Variants in TBC1D2B observed in about 807,000 individuals in gnomAD.
TBC1D2B encodes TBC1 domain family, member 2B.
Under a neutral mutation model 100.8 loss-of-function variants are expected in TBC1D2B, and 64 were observed. That is an observed-to-expected ratio of 0.64 (90% CI 0.52 to 0.78). TBC1D2B has a LOEUF of 0.78. Ranked by LOEUF, TBC1D2B falls within the 30% of genes least tolerant of loss-of-function variation. The pLI is 0.00. For synonymous variants in TBC1D2B, 480 were observed against 479.7 expected, an observed-to-expected ratio of 1.00 and a Z score of -0.01; for missense variants, 1,052 against 1,218.4, an observed-to-expected ratio of 0.86 and a Z score of 2.03.
intron 3 of TBC1D2B, among the ~76,000 whole-genome samples, chr15:78,040,847 A>AAAGAAAGG (rs1425885150): frequency 1.5e-5 from 2 of 135,236 alleles, no homozygotes; most frequent in African/African-American, 2.9e-5. Context: ...AAAAAGAAAG[A>AAAGAAAGG]AAGAAAGGAA....
At chr15:78,052,483 A>AC (rs1395164043) in intron 2 of TBC1D2B, among the ~76,000 whole-genome samples, 1 of 152,096 alleles carries the variant, frequency 6.6e-6, no homozygotes, top group African/African-American at 2.4e-5. Context: ...TAAATTCCAT[A>AC]CCTGGAGTCC....
intron 1 of TBC1D2B, among the ~76,000 whole-genome samples, chr15:78,056,799 C>T (rs376120281): frequency 2.0e-5 from 3 of 150,812 alleles, no homozygotes; most frequent in East Asian, 3.9e-4. Context: ...CCCAGTCTGC[C>T]AAACCCCCAA....
chr15:78,028,322 A>C (rs1276851651), intron 4 of TBC1D2B, among the ~76,000 whole-genome samples: 1 of 152,132 alleles, frequency 6.6e-6, no homozygotes, highest in African/African-American at 2.4e-5. Context: ...TAAAAATAAA[A>C]AAATTAGCCA....
chr15:78,039,456 T>G (rs932837833), intron 3 of TBC1D2B, among the ~76,000 whole-genome samples: 2 of 152,172 alleles, frequency 1.3e-5, no homozygotes, highest in South Asian at 2.1e-4. Context: ...CGGGGCCAAC[T>G]GCAGGGCCCG....
chr15:78,045,806 G>A (rs900861485), intron 2 of TBC1D2B, among the ~76,000 whole-genome samples: 4 of 152,024 alleles, frequency 2.6e-5, no homozygotes, highest in Non-Finnish European at 5.9e-5. Context: ...AATGAAACGA[G>A]GGGTAATTAC....
intron 1 of TBC1D2B, among the ~76,000 whole-genome samples, chr15:78,070,186 C>T (rs189003043): frequency 1.8e-3 from 271 of 152,260 alleles, no homozygotes; most frequent in Non-Finnish European, 3.0e-3. Flanking sequence ...AACCAGCACC[C>T]CCACCTAAGG....
chr15:78,053,878 T>C lies in TBC1D2B; in HGVS notation c.514+156A>G, dbSNP rs1395519585. On this transcript the variant is annotated intron_variant, in intron 2 of 12. Transcript: ENST00000300584. ...ACTGGGCTTGCATAAGCTTTGTACA[T>C]GGAGGCGCTGGGTAACTGTGGAATG... The C allele has an allele frequency of 8.2e-6, 7 of 854,258 alleles. No individual in the cohort carries two copies. In the Admixed American group the frequency reaches 1.9e-4, roughly 23 times the overall value. The allele number at this position is 854,258 out of a possible 1,614,324, so 52.9% of individuals were successfully genotyped here.
intron 1 of TBC1D2B, among the ~76,000 whole-genome samples, chr15:78,069,606 T>C (rs2073714234): frequency 6.6e-6 from 1 of 152,128 alleles, no homozygotes; most frequent in Admixed American, 6.5e-5. Flanking sequence ...AAGATGATAG[T>C]ACTAAGAGGG....
chr15:78,046,053 T>C (rs1049388095), intron 2 of TBC1D2B, among the ~76,000 whole-genome samples: 1 of 152,136 alleles, frequency 6.6e-6, no homozygotes, highest in African/African-American at 2.4e-5. Flanking sequence ...TGCCTCAGCC[T>C]CCCAAGTAGC....
At chr15:78,052,006 A>C (rs901918598) in intron 2 of TBC1D2B, among the ~76,000 whole-genome samples, 2 of 152,180 alleles carry the variant, frequency 1.3e-5, no homozygotes, top group South Asian at 2.1e-4. Flanking sequence ...TATCTATAAA[A>C]TCTTCAAAGG....
intron 1 of TBC1D2B, among the ~76,000 whole-genome samples, chr15:78,056,280 CA>C (rs1471939080): frequency 6.6e-6 from 1 of 152,128 alleles, no homozygotes; most frequent in African/African-American, 2.4e-5. Flanking sequence ...GGTCAGAGAG[CA>C]GGAGTGAGGT....
At chr15:78,053,366 T>TTTTG (rs146938068) in intron 2 of TBC1D2B, among the ~76,000 whole-genome samples, 5,826 of 152,258 alleles carry the variant, frequency 0.038, 162 homozygotes, top group African/African-American at 0.072. Flanking sequence ...CAGGAGGCTG[T>TTTTG]TTTGTTTGTT....
intron 1 of TBC1D2B, among the ~76,000 whole-genome samples, chr15:78,063,116 C>T (rs1162260147): frequency 6.6e-6 from 1 of 152,102 alleles, no homozygotes; most frequent in Non-Finnish European, 1.5e-5. Context: ...ATCATGTTTA[C>T]CGATAACCCA....
chr15:78,071,284 T>C (rs1180978049), intron 1 of TBC1D2B, among the ~76,000 whole-genome samples: 1 of 152,230 alleles, frequency 6.6e-6, no homozygotes, highest in Admixed American at 6.5e-5. Flanking sequence ...TTTAAATGGT[T>C]GAAAAAAATC....
intron 3 of TBC1D2B, among the ~76,000 whole-genome samples, chr15:78,036,236 G>C (rs543813789): frequency 6.6e-6 from 1 of 152,188 alleles, no homozygotes; most frequent in Non-Finnish European, 1.5e-5. Context: ...AGCAATGATT[G>C]ATTTTTCTTT....
At chr15:78,025,215 G>A in intron 5 of TBC1D2B, 44 bp downstream of exon 5, 5 of 1,555,314 alleles carry the variant, frequency 3.2e-6, no homozygotes, top group Non-Finnish European at 4.4e-6. Context: ...CCCGTCCTTG[G>A]CCTGCTGAGG....
At chr15:78,022,041 G>C (rs1330069041) in intron 6 of TBC1D2B, among the ~76,000 whole-genome samples, 1 of 152,186 alleles carries the variant, frequency 6.6e-6, no homozygotes, top group Non-Finnish European at 1.5e-5. Context: ...ACGCACTACA[G>C]AAATAGACAC....
intron 11 of TBC1D2B, chr15:78,001,976 A>C: frequency 1.5e-5 from 5 of 336,992 alleles, no homozygotes; most frequent in East Asian, 5.7e-5. Context: ...CAAACCAAAA[A>C]TCTCCTTATA....
chr15:78,018,210 T>G (rs552088837), intron 6 of TBC1D2B, among the ~76,000 whole-genome samples: 8 of 152,370 alleles, frequency 5.3e-5, no homozygotes, highest in Admixed American at 5.2e-4. Flanking sequence ...TGTGGTAGTT[T>G]TTCTCAACTG....
Sources: allele counts gnomAD v4.1 joint callset (sites outside exome capture counted in the v4.1 genomes callset), GRCh38; gene constraint gnomAD v4.1.1; transcripts MANE v1.5; gene names NCBI Gene and HGNC (gene_info 2026-07-23, HGNC 2026-07-21).